Variants in ACTR6 observed in about 807,000 individuals in gnomAD.
The protein encoded by ACTR6 is actin-related protein 6.
ACTR6 carries 50 observed loss-of-function variants against 52.5 expected under a neutral mutation model. The ratio of observed to expected loss-of-function variants is 0.95; its 90% CI spans 0.76 to 1.20. The LOEUF (loss-of-function observed/expected upper bound fraction) is 1.20, where lower values mean the gene tolerates loss of function less well. Ranked by LOEUF, ACTR6 falls within the 50% of genes most tolerant of loss-of-function variation. ACTR6 has a pLI of 0.00. For synonymous variants in ACTR6, 135 were observed against 147.2 expected, an observed-to-expected ratio of 0.92 and a Z score of 0.60; for missense variants, 344 against 472.4, an observed-to-expected ratio of 0.73 and a Z score of 2.52.
At chr12:100,202,126 T>G (rs2096110261) in intron 1 of ACTR6, among the ~76,000 whole-genome samples, 1 of 151,946 alleles carries the variant, frequency 6.6e-6, no homozygotes, top group Non-Finnish European at 1.5e-5. Context: ...GAGACGGGGG[T>G]TTCACCATTT....
chr12:100,201,370 T>C (rs1225428578), intron 1 of ACTR6, among the ~76,000 whole-genome samples: 1 of 152,240 alleles, frequency 6.6e-6, no homozygotes, highest in African/African-American at 2.4e-5. Flanking sequence ...TTGAAGACTT[T>C]GGCCTACTGG....
In ACTR6 at chr12:100,220,089, C is replaced by T; in HGVS notation, c.1004C>T (p.Ser335Leu). 1 of 1,613,836 alleles carries T rather than the reference C, an allele frequency of 6.2e-7. No homozygotes were observed. Among genetic ancestry groups the T allele is most frequent in the Non-Finnish European group, 8.5e-7 (1 of 1,179,916 alleles). The stretch of plus-strand genomic sequence containing the variant: ...CCAGGATTTAGGGATCGGGTTTACT[C>T]AGAAGTTCGATGTCTTACTCCAACA... ...LFPGFRDRVY[S>L]EVRCLTPTDY... Residue 335 changes from serine to leucine, a missense_variant, in exon 10 of 11, where the codon TCA becomes TTA. Ser to Leu is a moderately radical substitution (Grantham distance 145, BLOSUM62 -2). Transcript: ENST00000188312.
At chr12:100,201,064 G>T in intron 1 of ACTR6, 145 bp downstream of exon 1, 3 of 1,507,364 alleles carry the variant, frequency 2.0e-6, no homozygotes, top group Non-Finnish European at 2.7e-6. Flanking sequence ...GAGCTGGGTG[G>T]GTGATTGTGA....
At chr12:100,219,160 T>TAAAA (rs563553340) in intron 9 of ACTR6, among the ~76,000 whole-genome samples, 2 of 117,940 alleles carry the variant, frequency 1.7e-5, no homozygotes, top group Non-Finnish European at 3.6e-5. Flanking sequence ...TTCCTCTCAT[T>TAAAA]AAAAAAAAAA....
chr12:100,208,819 T>C, intron 4 of ACTR6: 1 of 454,518 alleles, frequency 2.2e-6, no homozygotes. Context: ...CAAACATGGC[T>C]CACTGTAGCC....
chr12:100,219,217 G>T (rs2096126225), intron 9 of ACTR6, among the ~76,000 whole-genome samples: 1 of 147,816 alleles, frequency 6.8e-6, no homozygotes, highest in South Asian at 2.2e-4. Context: ...TTATTTCACA[G>T]CTATTTTCAT....
chr12:100,212,540 A>G lies in ACTR6; in HGVS notation c.750+12A>G. Reference sequence around the variant, plus strand: ...AGGGCTTTTGTAAGGTAATTTTTAAAAACCATCAATGGTTGGTTGCTGCGG... The same window carrying G: ...AGGGCTTTTGTAAGGTAATTTTTAAGAACCATCAATGGTTGGTTGCTGCGG... On this transcript the variant is annotated intron_variant, in intron 8 of 10. Coordinates refer to ENST00000188312, the MANE Select transcript of ACTR6 (RefSeq NM_022496.5). 1 of 1,602,212 alleles carries G rather than the reference A, an allele frequency of 6.2e-7. No individual in the cohort carries two copies. The highest frequency in any genetic ancestry group is 1.3e-5 in the African/African-American group (1 of 74,782).
rs756214514 is a variant in ACTR6 at position 100,210,207 on chromosome 12, C to A, written c.514C>A (p.Arg172=). ...RSKKKKEAII[R]INVGGKLLTN... is the part of the protein sequence containing the mutation. ...TAAAAAGAAAAAAGAAGCAATTATT[C>A]GGTGAGTTGTATTTAATTTTCATGT... The change falls in exon 5 of 11, where the codon CGG becomes AGG. Residue 172 remains arginine (R), a splice_region_variant and synonymous_variant. Coordinates refer to ENST00000188312, the MANE Select transcript of ACTR6 (RefSeq NM_022496.5). The A allele has an allele frequency of 6.2e-7, 1 of 1,601,184 alleles. No individual in the cohort carries two copies. Among genetic ancestry groups the A allele is most frequent in the Non-Finnish European group, 8.5e-7 (1 of 1,172,166 alleles).
In ACTR6 at chr12:100,218,930, G is replaced by A. The variant is rs1434236910; in HGVS notation, c.922+344G>A. Among the ~76,000 whole-genome samples, 1 of 151,776 alleles carries A rather than the reference G, an allele frequency of 6.6e-6. No homozygotes were observed. Among genetic ancestry groups the A allele is most frequent in the Admixed American group, 6.6e-5 (1 of 15,212 alleles). On this transcript the variant is annotated intron_variant, in intron 9 of 10. Transcript: ENST00000188312. The surrounding 1 kb of genome is among the most constrained non-coding windows in gnomAD (Gnocchi z 4.2). ...AAATTTATAATGTAACAATTTAATG[G>A]TTTTCAGCTATTGGTAGACTGACTT...
At chr12:100,205,247 A>C (rs904012187) in intron 2 of ACTR6, 190 bp downstream of exon 2, 2 of 470,720 alleles carry the variant, frequency 4.2e-6, no homozygotes, top group African/African-American at 4.0e-5. Flanking sequence ...ACTGATTTTT[A>C]CTTACATTAA....
chr12:100,210,128 T>C lies in ACTR6; in HGVS notation c.435T>C (p.Cys145=). The change falls in exon 5 of 11, where the codon TGT becomes TGC. Residue 145 remains cysteine (C), a synonymous_variant. Coordinates refer to ENST00000188312, the MANE Select transcript of ACTR6 (RefSeq NM_022496.5). ...YFRDNPSELC[C]IIVDSGYSFT... ...GAGATAATCCTTCCGAATTATGCTG[T>C]ATCATTGTTGATAGTGGATATTCCT... 2 of 1,611,510 alleles carry C rather than the reference T, an allele frequency of 1.2e-6. No homozygotes were observed. The highest frequency in any genetic ancestry group is 1.7e-6 in the Non-Finnish European group (2 of 1,178,818).
At position 100,218,452 on chromosome 12, in the gene ACTR6, C is replaced by A; in HGVS notation, c.788C>A (p.Ser263Tyr). ...EEMVLSGKYK[S>Y]GEQILRLANE... ...ATGGTGTTGAGTGGAAAATACAAAT[C>A]TGGGGAACAAATTCTTCGTTTGGCC... is the stretch of plus-strand genomic sequence containing the variant. The change falls in exon 9 of 11, where the codon TCT becomes TAT. Residue 263 changes from serine (S) to tyrosine (Y), a missense_variant. Transcript: ENST00000188312. The surrounding 1 kb of genome is among the most constrained non-coding windows in gnomAD (Gnocchi z 4.2). 2 of 1,610,710 alleles carry A rather than the reference C, an allele frequency of 1.2e-6. No homozygotes were observed. Among genetic ancestry groups the A allele is most frequent in the South Asian group, 1.1e-5 (1 of 90,736 alleles).
At position 100,208,839 on chromosome 12, in the gene ACTR6, T is replaced by G. The variant is rs1454344809; in HGVS notation, c.379+1053T>G. On this transcript the variant is annotated intron_variant, in intron 4 of 10. Transcript: ENST00000188312. ...ATGGCTCACTGTAGCCTCCACCTCC[T>G]GGGCTCAAGGGATCCTCCCGCCTCA... 1.3e-5 allele frequency: 6 copies of G among 451,968 alleles called. No homozygotes were observed. The Admixed American group carries it at 1.4e-4, about 11-fold the overall frequency. 28.0% of individuals were successfully genotyped at this position (451,968 alleles called of 1,614,324 possible). A position where few individuals can be genotyped will look rare whatever the true frequency, so the allele number is the denominator to read the frequency against.
intron 3 of ACTR6, among the ~76,000 whole-genome samples, chr12:100,206,687 T>TA (rs1555306758): frequency 2.0e-5 from 3 of 150,188 alleles, no homozygotes; most frequent in Non-Finnish European, 4.4e-5. Flanking sequence ...TTTTTTTTTT[T>TA]AGGGGGAGTC....
Position 100,210,095 on chromosome 12 carries a change from G to T in ACTR6, c.402G>T (p.Arg134Ser). ...TAGCTGGGGCTCTCAGTGCACATAG[G>T]TATTTCCGAGATAATCCTTCCGAAT... ...RVNAGALSAH[R>S]YFRDNPSELC... Residue 134 changes from arginine to serine, a missense_variant, in exon 5 of 11, where the codon AGG becomes AGT. Arg to Ser is a moderately radical substitution (Grantham distance 110). Coordinates refer to ENST00000188312, the MANE Select transcript of ACTR6 (RefSeq NM_022496.5). 6.2e-6 allele frequency: 10 copies of T among 1,605,548 alleles called. No homozygotes were observed. Among genetic ancestry groups the T allele is most frequent in the Non-Finnish European group, 8.5e-6 (10 of 1,177,894 alleles).
At chr12:100,202,898 C>A (rs1241500178) in intron 1 of ACTR6, among the ~76,000 whole-genome samples, 1 of 151,720 alleles carries the variant, frequency 6.6e-6, no homozygotes. Flanking sequence ...TACCCTGTAG[C>A]AGCAGCAGTC....
intron 1 of ACTR6, among the ~76,000 whole-genome samples, chr12:100,201,583 G>A (rs1010900093): frequency 6.6e-6 from 1 of 152,092 alleles, no homozygotes; most frequent in African/African-American, 2.4e-5. Flanking sequence ...AAACAGAAAT[G>A]AAAGAGGGAA....
In ACTR6 at chr12:100,219,837, C is replaced by G. The variant is rs113260960; in HGVS notation, c.923-171C>G. Among the ~76,000 whole-genome samples, 428 of 152,272 alleles carry G rather than the reference C, an allele frequency of 2.8e-3. 1 individual carries two copies. Among genetic ancestry groups the G allele is most frequent in the African/African-American group, 0.01 (417 of 41,544 alleles). Reference sequence around the variant, plus strand: ...TGTTTCATGTCTTTATTTGTATAAACTGTAACCTCATTACAAATCTTAGAA... The same window carrying G: ...TGTTTCATGTCTTTATTTGTATAAAGTGTAACCTCATTACAAATCTTAGAA... On this transcript the variant is annotated intron_variant, in intron 9 of 10. Transcript: ENST00000188312.
At chr12:100,207,905 A>T in intron 4 of ACTR6, 119 bp downstream of exon 4, 1 of 1,128,628 alleles carries the variant, frequency 8.9e-7, no homozygotes. Context: ...TAACACCTGT[A>T]ACCCCATCAG....
Sources: gnomAD v4.1 joint callset for allele counts (sites outside exome capture counted in the v4.1 genomes callset) on GRCh38, gnomAD v4.1.1 for gene constraint, Gnocchi (gnomAD v3.1) non-coding constraint, MANE v1.5 for transcripts, NCBI Gene and HGNC (gene_info 2026-07-23, HGNC 2026-07-21) for gene names.